ATP6V1B1: variants seen among roughly 807,000 people sequenced by gnomAD.
ATP6V1B1 encodes the protein V-type proton ATPase subunit B, kidney isoform.
In ATP6V1B1, 41 loss-of-function variants were observed where a neutral mutation model predicts 62.1. The observed-to-expected ratio is 0.66, with a 90% CI of 0.51 to 0.86. The LOEUF is 0.86. Among genes scored for constraint, ATP6V1B1 ranks in the 40% least tolerant of loss-of-function variants. ATP6V1B1 has a pLI of 0.00. For missense variants in ATP6V1B1, 651 were observed against 697.5 expected (o/e 0.93, Z 0.75); for synonymous variants, 253 against 273.4 (o/e 0.93, Z 0.74).
intron 4 of ATP6V1B1, 24 bp downstream of exon 4, chr2:70,958,450 G>T (rs782025148): frequency 3.2e-6 from 5 of 1,564,900 alleles, no homozygotes; most frequent in South Asian, 1.1e-5. Flanking sequence ...AGGGGCAGGG[G>T]TGGGGGTGCT....
intron 2 of ATP6V1B1, among the ~76,000 whole-genome samples, chr2:70,944,786 A>G (rs1046116800): frequency 6.7e-6 from 1 of 149,900 alleles, no homozygotes; most frequent in African/African-American, 2.5e-5. Context: ...CTCCTGCCTC[A>G]GCCTCCCGAG....
chr2:70,963,127 C>T lies in ATP6V1B1; in HGVS notation c.910-35C>T. The T allele has an allele frequency of 6.2e-7, 1 of 1,613,020 alleles. No homozygotes were observed. Among genetic ancestry groups the T allele is most frequent in the Middle Eastern group, 1.7e-4 (1 of 6,058 alleles). ...ACCCTTCCTAGCTTCAGCCTCTCAT[C>T]CCCTTTCTTACCCCAGTGCCCATGG... On this transcript the variant is annotated intron_variant, in intron 9 of 13. Transcript: ENST00000234396. The surrounding 1 kb of genome is among the most constrained non-coding windows in gnomAD (Gnocchi z 4.3).
rs1173701373 is a variant in ATP6V1B1 at position 70,944,243 on chromosome 2, GC to G, written c.174+534del. The stretch of plus-strand genomic sequence containing the variant: ...GCAACATGGGTGGTAAGTGAAGTGG[GC>G]CCCACCAAAGGTAAGTGGGCTGTGG... On this transcript the variant is annotated intron_variant, in intron 2 of 13. Transcript: ENST00000234396. The G allele has an allele frequency of 4.7e-6, 6 of 1,287,796 alleles. No homozygotes were observed. The African/African-American group carries it at 7.6e-5, about 16-fold the overall frequency. The allele number at this position is 1,287,796 out of a possible 1,614,324, so 79.8% of individuals were successfully genotyped here. A position where few individuals can be genotyped will look rare whatever the true frequency, so the allele number is the denominator to read the frequency against.
intron 7 of ATP6V1B1, 98 bp downstream of exon 7, chr2:70,961,120 C>A: frequency 1.5e-6 from 2 of 1,309,354 alleles, no homozygotes; most frequent in East Asian, 2.5e-5. Context: ...GGGAAGCCAT[C>A]AGTGTCCCGG....
chr2:70,943,758 G>T, intron 2 of ATP6V1B1, 45 bp downstream of exon 2: 2 of 1,608,814 alleles, frequency 1.2e-6, no homozygotes, highest in Non-Finnish European at 1.7e-6. Context: ...CCAAATCCCA[G>T]GGCGCCTCTC....
At position 70,959,448 on chromosome 2, in the gene ATP6V1B1, A is replaced by AG. The variant is rs1486637272; in HGVS notation, c.445+355dup. On this transcript the variant is annotated intron_variant, in intron 5 of 13. Coordinates refer to ENST00000234396, the MANE Select transcript of ATP6V1B1 (RefSeq NM_001692.4). This position sits in a 1 kb window ranked among gnomAD's most constrained non-coding sequence, Gnocchi z 4.2. ...CAAACCCTATCCCATCTGTTTACTG[A>AG]GGACACACTGGGAGGCCTGTGGGAG... is the stretch of plus-strand genomic sequence containing the variant. Among the ~76,000 whole-genome samples the AG allele has an allele frequency of 6.6e-6, 1 of 152,204 alleles. No homozygotes were observed. Among genetic ancestry groups the AG allele is most frequent in the Non-Finnish European group, 1.5e-5 (1 of 68,036 alleles).
rs113754494 is a variant in ATP6V1B1 at position 70,959,284 on chromosome 2, C to T, written c.445+189C>T. On this transcript the variant is annotated intron_variant, in intron 5 of 13. Coordinates refer to ENST00000234396, the MANE Select transcript of ATP6V1B1 (RefSeq NM_001692.4). The surrounding 1 kb of genome is among the most constrained non-coding windows in gnomAD (Gnocchi z 4.2). ...CTCCATGTCCATCCCCTGTAAAATG[C>T]CATCATCATTGGGCAGTGTTCCACG... Among the ~76,000 whole-genome samples, 4 of 152,358 alleles carry T rather than the reference C, an allele frequency of 2.6e-5. 1 individual carries two copies. Among genetic ancestry groups the T allele is most frequent in the African/African-American group, 9.6e-5 (4 of 41,584 alleles).
chr2:70,958,368 G>T lies in ATP6V1B1; in HGVS notation c.309G>T (p.Lys103Asn). The T allele has an allele frequency of 6.2e-7, 1 of 1,613,164 alleles. No individual in the cohort carries two copies. Among genetic ancestry groups the T allele is most frequent in the South Asian group, 1.1e-5 (1 of 91,066 alleles). ...FEGTSGIDAR[K>N]TTCEFTGDIL... is the part of the protein sequence containing the mutation. ...GGACATCAGGGATCGATGCCAGGAA[G>T]ACCACTTGCGAATTTACAGGGGACA... Residue 103 changes from lysine to asparagine, a missense_variant, in exon 4 of 14, where the codon AAG (lysine) becomes AAT (asparagine). Transcript: ENST00000234396.
chr2:70,943,641 C>T lies in ATP6V1B1; in HGVS notation c.119-17C>T. The T allele has an allele frequency of 6.2e-7, 1 of 1,612,656 alleles. No individual in the cohort carries two copies. The highest frequency in any genetic ancestry group is 8.5e-7 in the Non-Finnish European group (1 of 1,179,460). On this transcript the variant is annotated splice_polypyrimidine_tract_variant and intron_variant, in intron 1 of 13. Coordinates refer to ENST00000234396, the MANE Select transcript of ATP6V1B1 (RefSeq NM_001692.4). ...TGTTTGGGGTGAGACCCCTACTCACCCCCGCCCCTCCCCCAGCCTACAGGA... is the reference window on the plus strand; with the variant it reads ...TGTTTGGGGTGAGACCCCTACTCACTCCCGCCCCTCCCCCAGCCTACAGGA...
chr2:70,938,483 G>C, intron 1 of ATP6V1B1: 2 of 934,914 alleles, frequency 2.1e-6, no homozygotes, highest in Non-Finnish European at 2.6e-6. Flanking sequence ...CCCAGTGCTC[G>C]CTGGGCCACG....
rs2104826477 is a variant in ATP6V1B1, at chr2:70,959,088, T to C, written c.438T>C (p.Asp146=). Residue 146 remains aspartate (D), a synonymous_variant, in exon 5 of 14, where the codon GAT becomes GAC. Coordinates refer to ENST00000234396, the MANE Select transcript of ATP6V1B1 (RefSeq NM_001692.4). This position sits in a 1 kb window ranked among gnomAD's most constrained non-coding sequence, Gnocchi z 4.2. ...GPVVMAEDFL[D]INGQPINPHS... ...TGGTCATGGCGGAGGACTTTCTGGA[T>C]ATCAATGGTGAGTGACTGGAGGTTC... The C allele has an allele frequency of 5.6e-6, 9 of 1,614,076 alleles. No individual in the cohort carries two copies. The highest frequency in any genetic ancestry group is 5.9e-6 in the Non-Finnish European group (7 of 1,180,018).
chr2:70,960,999 G>A lies in ATP6V1B1; in HGVS notation c.664G>A (p.Ala222Thr), dbSNP rs781981910. The A allele has an allele frequency of 3.1e-5, 50 of 1,596,706 alleles. No individual in the cohort carries two copies. Among genetic ancestry groups the A allele is most frequent in the Admixed American group, 3.1e-4 (18 of 57,714 alleles). The change falls in exon 7 of 14, where the codon GCC (alanine) becomes ACC (threonine). Residue 222 changes from alanine (A) to threonine (T), a missense_variant. Transcript: ENST00000234396. ...GCTGGATTACCATGACGACAACTTC[G>A]CCATCGTCTTTGCAGCCATGGGGGT... is the stretch of plus-strand genomic sequence containing the variant. ...AVLDYHDDNF[A>T]IVFAAMGVNM...
chr2:70,946,477 GA>G (rs1304134573), intron 2 of ATP6V1B1, among the ~76,000 whole-genome samples: 2 of 152,222 alleles, frequency 1.3e-5, no homozygotes, highest in Non-Finnish European at 2.9e-5. Flanking sequence ...CAGACTGACA[GA>G]ATCAGAAGCT....
intron 1 of ATP6V1B1, chr2:70,943,380 G>A (rs1553416701): frequency 1.7e-6 from 1 of 597,950 alleles, no homozygotes; most frequent in African/African-American, 1.8e-5. Context: ...TCAGGGATGA[G>A]AGGCCTCTGT....
Position 70,965,118 on chromosome 2 carries a change from C to A in ATP6V1B1, c.1539C>A (p.Leu513=). 6.2e-7 allele frequency: 1 copy of A among 1,609,584 alleles called. No homozygotes were observed. Among genetic ancestry groups the A allele is most frequent in the Non-Finnish European group, 8.5e-7 (1 of 1,179,930 alleles). ...AGGACCTCGCGCCTGACACTGCGCT[C>A]TAGCCCCGCGCGCCGTGGCACCCCA... ...ALQDLAPDTA[L] The change falls in exon 14 of 14, where the codon CTC becomes CTA. Residue 513 remains leucine, a synonymous_variant. Transcript: ENST00000234396.
chr2:70,964,953 C>G lies in ATP6V1B1; in HGVS notation c.1379-5C>G. The G allele has an allele frequency of 6.2e-7, 1 of 1,614,044 alleles. No homozygotes were observed. The highest frequency in any genetic ancestry group is 8.5e-7 in the Non-Finnish European group (1 of 1,180,042). ...TCCTAACACTCCCTCCCGCTCTGTC[C>G]CTAGGCCCCTACGAGAACCGCTCGG... On this transcript the variant is annotated splice_polypyrimidine_tract_variant and splice_region_variant and intron_variant, in intron 13 of 13. Coordinates refer to ENST00000234396, the MANE Select transcript of ATP6V1B1 (RefSeq NM_001692.4).
chr2:70,940,914 T>C (rs1239987517), intron 1 of ATP6V1B1: 15 of 191,562 alleles, frequency 7.8e-5, no homozygotes, highest in South Asian at 4.2e-4. Context: ...TTTCTTTTTC[T>C]TTTTTTTTTT....
chr2:70,957,958 T>C (rs1680481748), intron 2 of ATP6V1B1, 88 bp from the exon 3 acceptor site: 2 of 1,213,466 alleles, frequency 1.6e-6, no homozygotes, highest in Non-Finnish European at 2.4e-6. Flanking sequence ...GAGAGAACAG[T>C]TTGGGACTGG....
Position 70,963,084 on chromosome 2 carries a change from T to C in ATP6V1B1, c.910-78T>C, listed in dbSNP as rs1479919541. 1 of 1,607,580 alleles carries C rather than the reference T, an allele frequency of 6.2e-7. No homozygotes were observed. On this transcript the variant is annotated intron_variant, in intron 9 of 13. Coordinates refer to ENST00000234396, the MANE Select transcript of ATP6V1B1 (RefSeq NM_001692.4). The surrounding 1 kb of genome is among the most constrained non-coding windows in gnomAD (Gnocchi z 4.3). Reference sequence around the variant, plus strand: ...GCCCCCCACTCCATTTCTCACAGGGTCACTGAACCTCCCACCCACCCTTCC... The same window carrying C: ...GCCCCCCACTCCATTTCTCACAGGGCCACTGAACCTCCCACCCACCCTTCC...
Sources: gnomAD v4.1 joint callset for allele counts (sites outside exome capture counted in the v4.1 genomes callset) on GRCh38, gnomAD v4.1.1 for gene constraint, Gnocchi (gnomAD v3.1) non-coding constraint, MANE v1.5 for transcripts, NCBI Gene and HGNC (gene_info 2026-07-23, HGNC 2026-07-21) for gene names.